CLSTN2: variants seen among roughly 807,000 people sequenced by gnomAD.
CLSTN2 encodes calsyntenin-2.
A neutral mutation model predicts 101.2 loss-of-function variants in CLSTN2; 48 were observed. The ratio of observed to expected loss-of-function variants is 0.47; its 90% CI spans 0.38 to 0.60. CLSTN2 has a LOEUF of 0.60. Among genes scored for constraint, CLSTN2 ranks in the 20% least tolerant of loss-of-function variants. CLSTN2 has a pLI of 0.00. For missense variants in CLSTN2, 1,160 were observed against 1,238.2 expected (o/e 0.94, Z 0.95); for synonymous variants, 481 against 463.6 (o/e 1.04, Z -0.48).
chr3:140,443,817 C>T (rs558627853), intron 5 of CLSTN2, among the ~76,000 whole-genome samples: 14 of 152,268 alleles, frequency 9.2e-5, no homozygotes, highest in African/African-American at 2.9e-4. Flanking sequence ...CATAAGCCCA[C>T]GAGGGGATAT....
intron 1 of CLSTN2, among the ~76,000 whole-genome samples, chr3:140,048,027 A>C (rs1295892035): frequency 6.6e-6 from 1 of 152,206 alleles, no homozygotes; most frequent in Non-Finnish European, 1.5e-5. Flanking sequence ...TTAAAATATG[A>C]AATATTAAAA....
chr3:139,952,675 G>A (rs766769494), intron 1 of CLSTN2, among the ~76,000 whole-genome samples: 4 of 152,174 alleles, frequency 2.6e-5, no homozygotes, highest in Non-Finnish European at 5.9e-5. Flanking sequence ...AGGGCATGGT[G>A]TTCTTGCATC....
rs563265618 is a variant in CLSTN2 at position 140,345,343 on chromosome 3, G to A, written c.233-58286G>A. ...GGCTCACTGCAACCTATGCCTCCCC[G>A]GTTCAAGCGATTCTCCTGCCTCAGC... On this transcript the variant is annotated intron_variant, in intron 2 of 16. Coordinates refer to ENST00000458420, the MANE Select transcript of CLSTN2 (RefSeq NM_022131.3). 1.0e-4 allele frequency among the ~76,000 whole-genome samples: 15 copies of A among 149,446 alleles called. No individual in the cohort carries two copies. The South Asian group carries it at 3.0e-3, about 30-fold the overall frequency.
chr3:140,081,263 G>T (rs1471597416), intron 1 of CLSTN2, among the ~76,000 whole-genome samples: 1 of 152,120 alleles, frequency 6.6e-6, no homozygotes, highest in African/African-American at 2.4e-5. Flanking sequence ...TACTAAAAAT[G>T]AACAATGAAG....
Position 140,574,608 on chromosome 3 carries a change from T to C in CLSTN2, c.*8355T>C, listed in dbSNP as rs1985672777. 6.6e-6 allele frequency: 1 copy of C among 152,226 alleles called. No homozygotes were observed. The highest frequency in any genetic ancestry group is 2.4e-5 in the African/African-American group (1 of 41,454). The allele number at this position is 152,226 out of a possible 1,614,324, so 9.4% of individuals were successfully genotyped here. ...GAAGAGCCAAAATGCAGACAGTGTG[T>C]ATTAATCACAGACAACAGAAACGTG... On this transcript the variant is annotated 3_prime_UTR_variant, in exon 17 of 17. Transcript: ENST00000458420.
chr3:140,381,649 A>G (rs886275694), intron 2 of CLSTN2, among the ~76,000 whole-genome samples: 2 of 152,194 alleles, frequency 1.3e-5, no homozygotes, highest in Non-Finnish European at 2.9e-5. Context: ...GCTTTAACCA[A>G]CTAGGGCTGA....
At chr3:140,006,031 A>G (rs1031924217) in intron 1 of CLSTN2, among the ~76,000 whole-genome samples, 1 of 152,220 alleles carries the variant, frequency 6.6e-6, no homozygotes, top group Non-Finnish European at 1.5e-5. Flanking sequence ...TAATATTAGC[A>G]CAATTATGAT....
intron 1 of CLSTN2, among the ~76,000 whole-genome samples, chr3:140,022,359 C>A (rs2107756171): frequency 6.6e-6 from 1 of 152,344 alleles, no homozygotes; most frequent in African/African-American, 2.4e-5. Context: ...TGCCACCAGG[C>A]AGGTGCTGGG....
intron 11 of CLSTN2, among the ~76,000 whole-genome samples, chr3:140,558,316 T>G (rs1935840835): frequency 6.6e-6 from 1 of 152,252 alleles, no homozygotes; most frequent in Non-Finnish European, 1.5e-5. Context: ...TACCAAATAC[T>G]AAAGCACATA....
At chr3:140,152,665 T>C (rs2009886206) in intron 1 of CLSTN2, among the ~76,000 whole-genome samples, 1 of 152,176 alleles carries the variant, frequency 6.6e-6, no homozygotes, top group Non-Finnish European at 1.5e-5. Context: ...GTCTCATTTG[T>C]GGGTAGGAGC....
chr3:140,226,432 A>G (rs2086320639), intron 2 of CLSTN2, among the ~76,000 whole-genome samples: 2 of 152,244 alleles, frequency 1.3e-5, no homozygotes, highest in East Asian at 1.9e-4. Flanking sequence ...TAAATCTATA[A>G]TTACATTCAA....
chr3:140,303,273 A>G (rs1473166710), intron 2 of CLSTN2, among the ~76,000 whole-genome samples: 10 of 152,198 alleles, frequency 6.6e-5, no homozygotes, highest in Admixed American at 6.5e-4. Flanking sequence ...GGAGGCCAAG[A>G]TGTGGTCTCT....
intron 8 of CLSTN2, among the ~76,000 whole-genome samples, chr3:140,486,884 C>T (rs960230624): frequency 1.1e-4 from 16 of 152,060 alleles, no homozygotes; most frequent in Non-Finnish European, 1.9e-4. Context: ...TCTCGAAAGC[C>T]TAGAGAGAAA....
At chr3:140,213,489 C>G (rs1002463514) in intron 2 of CLSTN2, among the ~76,000 whole-genome samples, 2 of 152,174 alleles carry the variant, frequency 1.3e-5, no homozygotes, top group Non-Finnish European at 2.9e-5. Context: ...AGCTGAGAAC[C>G]CAGGCCTTCT....
At chr3:140,154,927 A>T (rs1338425477) in intron 1 of CLSTN2, among the ~76,000 whole-genome samples, 1 of 152,064 alleles carries the variant, frequency 6.6e-6, no homozygotes, top group African/African-American at 2.4e-5. Context: ...TTAAACCATC[A>T]TATCTCATGA....
Position 140,176,146 on chromosome 3 carries a change from G to A in CLSTN2, c.232+73G>A, listed in dbSNP as rs1017532353. On this transcript the variant is annotated intron_variant, in intron 2 of 16. Coordinates refer to ENST00000458420, the MANE Select transcript of CLSTN2 (RefSeq NM_022131.3). ...TGCTGTGAAACCTCCACAAAGCCCA[G>A]AATATGGCTTTATAGCTATTGTCAC... The A allele has an allele frequency of 1.9e-6, 3 of 1,552,222 alleles. No individual in the cohort carries two copies. The African/African-American group carries it at 4.1e-5, about 21-fold the overall frequency.
chr3:140,279,245 C>G (rs2086823796), intron 2 of CLSTN2, among the ~76,000 whole-genome samples: 1 of 151,876 alleles, frequency 6.6e-6, no homozygotes, highest in Non-Finnish European at 1.5e-5. Context: ...AGAGAAAAGC[C>G]CAGGGCTGCA....
intron 1 of CLSTN2, among the ~76,000 whole-genome samples, chr3:139,997,604 G>C (rs2006704262): frequency 6.6e-6 from 1 of 152,096 alleles, no homozygotes; most frequent in South Asian, 2.1e-4. Context: ...ACGCCATTCT[G>C]CCTTAATCAT....
At chr3:140,030,620 A>G (rs1262857166) in intron 1 of CLSTN2, among the ~76,000 whole-genome samples, 1 of 152,214 alleles carries the variant, frequency 6.6e-6, no homozygotes, top group South Asian at 2.1e-4. Flanking sequence ...AAACAGCACC[A>G]GGGTGGAGAG....
Sources: allele counts gnomAD v4.1 joint callset (sites outside exome capture counted in the v4.1 genomes callset), GRCh38; gene constraint gnomAD v4.1.1; transcripts MANE v1.5; gene names NCBI Gene and HGNC (gene_info 2026-07-23, HGNC 2026-07-21).